DHX36: variants seen among roughly 807,000 people sequenced by gnomAD.
DHX36 encodes ATP-dependent DNA/RNA helicase DHX36.
DHX36 carries 50 observed loss-of-function variants against 139.0 expected under a neutral mutation model. The ratio of observed to expected loss-of-function variants is 0.36; its 90% confidence interval spans 0.29 to 0.46. DHX36 has a LOEUF of 0.46. DHX36 is among the 20% of genes least tolerant of loss of function. The pLI is 1.00. For missense variants in DHX36, 1,024 were observed against 1,211.3 expected (o/e 0.85, Z 2.29); for synonymous variants, 425 against 401.9 (o/e 1.06, Z -0.69).
In DHX36 at chr3:154,273,234, A is replaced by C. The variant is rs1719047647; in HGVS notation, c.*2937T>G. 6.6e-6 allele frequency: 1 copy of C among 152,230 alleles called. No individual in the cohort carries two copies. The highest frequency in any genetic ancestry group is 1.5e-5 in the Non-Finnish European group (1 of 68,042). 9.4% of individuals were successfully genotyped at this position (152,230 alleles called of 1,614,324 possible). On this transcript the variant is annotated 3_prime_UTR_variant, in exon 25 of 25. Transcript: ENST00000496811. ...CTCAGTAATGCCCTATTTTGTAAAC[A>C]AAAGAAACAGAATGTAAGTAGCACC...
At chr3:154,278,668 TG>T (rs1326357857) in intron 22 of DHX36, 1 of 152,014 alleles carries the variant, frequency 6.6e-6, no homozygotes, top group Non-Finnish European at 1.5e-5. Context: ...TTAGTAGAGA[TG>T]GGGTTTCACC....
chr3:154,287,364 A>T (rs562403924), intron 17 of DHX36, among the ~76,000 whole-genome samples: 36 of 152,294 alleles, frequency 2.4e-4, no homozygotes, highest in Admixed American at 4.6e-4. Flanking sequence ...CATTAAAATT[A>T]GGAATTTAGA....
At chr3:154,313,258 T>C (rs1354010193) in intron 3 of DHX36, among the ~76,000 whole-genome samples, 2 of 152,142 alleles carry the variant, frequency 1.3e-5, no homozygotes, top group South Asian at 4.1e-4. Context: ...AAGAGAGGTA[T>C]AGTCCAATAT....
intron 1 of DHX36, 135 bp downstream of exon 1, chr3:154,324,038 TA>T: frequency 9.7e-7 from 1 of 1,032,540 alleles, no homozygotes; most frequent in Non-Finnish European, 1.4e-6. Flanking sequence ...AGCGCCAGCA[TA>T]ATATATTTGC....
intron 4 of DHX36, among the ~76,000 whole-genome samples, chr3:154,310,220 T>A (rs568326419): frequency 5.1e-4 from 77 of 152,238 alleles, no homozygotes; most frequent in African/African-American, 1.8e-3. Flanking sequence ...GCAGAACAAG[T>A]TTTGTATGCC....
Position 154,276,153 on chromosome 3 carries a change from A to T in DHX36, c.*18T>A. ...AATGGCTGTCAAACTGGCTTTTCAG[A>T]CCACCCCTGAAAAGCTGTCAGCTGT... is the stretch of plus-strand genomic sequence containing the variant. On this transcript the variant is annotated 3_prime_UTR_variant, in exon 25 of 25. Coordinates refer to ENST00000496811, the MANE Select transcript of DHX36 (RefSeq NM_020865.3). The T allele has an allele frequency of 6.3e-7, 1 of 1,589,286 alleles. No homozygotes were observed. The highest frequency in any genetic ancestry group is 2.3e-5 in the East Asian group (1 of 44,442).
chr3:154,277,773 CTTTT>C (rs1296176414), intron 22 of DHX36, 55 bp from the exon 23 acceptor site: 1 of 1,471,108 alleles, frequency 6.8e-7, no homozygotes, highest in Non-Finnish European at 9.1e-7. Flanking sequence ...AGAGGATTTT[CTTTT>C]TTTACACTAC....
intron 22 of DHX36, 82 bp from the exon 23 acceptor site, chr3:154,277,800 T>C (rs1169237396): frequency 2.3e-6 from 3 of 1,295,652 alleles, no homozygotes; most frequent in Admixed American, 2.6e-5. Context: ...GAAAAACTGA[T>C]AGAAGAGCTT....
At chr3:154,308,900 G>A (rs778105316) in intron 5 of DHX36, among the ~76,000 whole-genome samples, 1 of 152,014 alleles carries the variant, frequency 6.6e-6, no homozygotes, top group Non-Finnish European at 1.5e-5. Flanking sequence ...AAAAATGACT[G>A]ACTATGGCTG....
chr3:154,303,925 A>G (rs1406904971), intron 8 of DHX36, among the ~76,000 whole-genome samples: 1 of 152,240 alleles, frequency 6.6e-6, no homozygotes, highest in Non-Finnish European at 1.5e-5. Context: ...TTTACATTTC[A>G]TAACAAGCGA....
intron 16 of DHX36, 85 bp downstream of exon 16, chr3:154,289,624 A>T (rs1711702488): frequency 1.3e-6 from 1 of 778,634 alleles, no homozygotes; most frequent in South Asian, 1.7e-5. Flanking sequence ...TGTTTCTTGG[A>T]GATTAATACA....
chr3:154,289,269 T>C (rs900868844), intron 16 of DHX36, among the ~76,000 whole-genome samples: 4 of 152,194 alleles, frequency 2.6e-5, no homozygotes, highest in African/African-American at 9.7e-5. Context: ...AACAAGCTGA[T>C]TACTCACTAT....
intron 3 of DHX36, among the ~76,000 whole-genome samples, chr3:154,312,868 T>C (rs1414541558): frequency 5.0e-5 from 4 of 80,136 alleles, no homozygotes; most frequent in Admixed American, 1.2e-4. Context: ...TATATATATA[T>C]ATATATATAT....
intron 23 of DHX36, 63 bp from the exon 24 acceptor site, chr3:154,276,962 C>T (rs573838822): frequency 4.2e-4 from 582 of 1,374,924 alleles, no homozygotes; most frequent in Non-Finnish European, 5.4e-4. Context: ...TATATAAATT[C>T]AACAATATTA....
intron 3 of DHX36, 107 bp downstream of exon 3, chr3:154,314,939 T>C: frequency 2.7e-6 from 2 of 739,792 alleles, no homozygotes; most frequent in Non-Finnish European, 2.2e-6. Context: ...GGATGTCTTG[T>C]TGAGGATCTC....
chr3:154,297,283 T>C (rs1049115006), intron 12 of DHX36, among the ~76,000 whole-genome samples: 3 of 152,186 alleles, frequency 2.0e-5, no homozygotes, highest in Non-Finnish European at 4.4e-5. Flanking sequence ...AAAGACATGA[T>C]GGTTATATAG....
chr3:154,316,023 AT>A lies in DHX36; in HGVS notation c.368+15del. 6.2e-7 allele frequency: 1 copy of A among 1,606,682 alleles called. No homozygotes were observed. Among genetic ancestry groups the A allele is most frequent in the Non-Finnish European group, 8.5e-7 (1 of 1,177,352 alleles). ...TACTCTTTGCCTATTCTTTAAAAAA[AT>A]ATTTCTTGTCGTACCCATGATCCTC... On this transcript the variant is annotated intron_variant, in intron 2 of 24. Transcript: ENST00000496811.
chr3:154,283,788 A>ATTACATT (rs1245285058), intron 19 of DHX36, among the ~76,000 whole-genome samples: 3 of 152,166 alleles, frequency 2.0e-5, no homozygotes, highest in Non-Finnish European at 4.4e-5. Flanking sequence ...TAAAAACCAA[A>ATTACATT]TTACATTTAA....
intron 9 of DHX36, among the ~76,000 whole-genome samples, chr3:154,302,111 C>T (rs1712321271): frequency 6.8e-6 from 1 of 147,738 alleles, no homozygotes; most frequent in Non-Finnish European, 1.5e-5. Context: ...ATGTATAGCA[C>T]AAAGAGTGCT....
Sources: allele counts gnomAD v4.1 joint callset (sites outside exome capture counted in the v4.1 genomes callset), GRCh38; gene constraint gnomAD v4.1.1; transcripts MANE v1.5; gene names NCBI Gene and HGNC (gene_info 2026-07-23, HGNC 2026-07-21).